The following TNS3 variants were observed in gnomAD, a reference collection of about 807,000 sequenced individuals.
TNS3 encodes the protein tensin 3.
In TNS3, 45 loss-of-function variants were observed where a neutral mutation model predicts 140.9. The observed-to-expected ratio is 0.32, with a 90% CI of 0.25 to 0.41. The LOEUF is 0.41. Ranked by LOEUF, TNS3 falls within the 10% of genes least tolerant of loss-of-function variation. TNS3 has a pLI of 1.00. For synonymous variants in TNS3, 815 were observed against 788.4 expected (o/e 1.03, Z -0.56); for missense variants, 1,716 against 1,906.7 (o/e 0.90, Z 1.86).
At chr7:47,342,574 A>C (rs1043395439) in intron 20 of TNS3, among the ~76,000 whole-genome samples, 4 of 152,240 alleles carry the variant, frequency 2.6e-5, no homozygotes, top group Non-Finnish European at 5.9e-5. Flanking sequence ...ACATTAGGTC[A>C]CTTCTAGGTT....
chr7:47,342,396 G>A lies in TNS3; in HGVS notation c.2650+2359C>T, dbSNP rs140861364. 3.9e-5 allele frequency among the ~76,000 whole-genome samples: 6 copies of A among 152,288 alleles called. No homozygotes were observed. In the East Asian group the frequency reaches 7.7e-4, roughly 20 times the overall value. On this transcript the variant is annotated intron_variant, in intron 20 of 30. Coordinates refer to ENST00000311160, the MANE Select transcript of TNS3 (RefSeq NM_022748.12). ...AAATGATACGCAGTTAAGCATTACT[G>A]CAGATGCCTAAAGCCTACTACTTCA...
intron 4 of TNS3, among the ~76,000 whole-genome samples, chr7:47,457,288 G>A (rs1796301853): frequency 6.6e-6 from 1 of 151,998 alleles, no homozygotes; most frequent in Admixed American, 6.5e-5. Context: ...TAATTCCACT[G>A]AAGATGGAGT....
At position 47,529,017 on chromosome 7, in the gene TNS3, A is replaced by C; in HGVS notation, c.-153+19T>G. 8.0e-7 allele frequency: 1 copy of C among 1,248,588 alleles called. No homozygotes were observed. Among genetic ancestry groups the C allele is most frequent in the Admixed American group, 2.6e-5 (1 of 38,428 alleles). The allele number at this position is 1,248,588 out of a possible 1,614,324, so 77.3% of individuals were successfully genotyped here. Reference sequence around the variant, plus strand: ...TTGCTCTGGATTAATCAGTGAGAGAATCATAAACACAGACTTACCTCGGCA... The same window carrying C: ...TTGCTCTGGATTAATCAGTGAGAGACTCATAAACACAGACTTACCTCGGCA... On this transcript the variant is annotated intron_variant, in intron 2 of 30. Transcript: ENST00000311160.
In TNS3 at chr7:47,280,295, T is replaced by C; in HGVS notation, c.4157A>G (p.Gln1386Arg). Residue 1386 changes from glutamine (Q) to arginine (R), a missense_variant, in exon 29 of 31, where the codon CAA (glutamine) becomes CGA (arginine). Physicochemically the swap from Gln to Arg is conservative, Grantham distance 43. Around this residue, in one of 3 missense-constraint regions of TNS3, gnomAD observed 216 missense variants for 295.7 expected, o/e 0.73. Coordinates refer to ENST00000311160, the MANE Select transcript of TNS3 (RefSeq NM_022748.12). ...NSVIFCALDP[Q>R]DRKWIKDGPS... is the part of the protein sequence containing the mutation. Reference sequence around the variant, plus strand: ...AATGCAAATTTCTTACTTCCTGTCTTGTGGGTCCAAGGCACAGAAAATCAC... The same window carrying C: ...AATGCAAATTTCTTACTTCCTGTCTCGTGGGTCCAAGGCACAGAAAATCAC... 3.7e-6 allele frequency: 6 copies of C among 1,614,170 alleles called. No individual in the cohort carries two copies. Among genetic ancestry groups the C allele is most frequent in the Non-Finnish European group, 4.2e-6 (5 of 1,180,036 alleles).
chr7:47,569,351 T>A (rs1031505528), intron 1 of TNS3, among the ~76,000 whole-genome samples: 2 of 151,878 alleles, frequency 1.3e-5, no homozygotes, highest in African/African-American at 4.8e-5. Flanking sequence ...CAGACCGGCC[T>A]GGCCAACATG....
At chr7:47,339,498 A>G (rs890444791) in intron 20 of TNS3, among the ~76,000 whole-genome samples, 2 of 152,138 alleles carry the variant, frequency 1.3e-5, no homozygotes, top group Non-Finnish European at 2.9e-5. Context: ...TCAGCTGGGC[A>G]TATCTGTGTA....
chr7:47,497,562 G>C (rs190232882), intron 3 of TNS3, among the ~76,000 whole-genome samples: 1 of 151,986 alleles, frequency 6.6e-6, no homozygotes, highest in Non-Finnish European at 1.5e-5. Flanking sequence ...AGCTGCTTCT[G>C]AGAGCTACAC....
chr7:47,323,957 G>A (rs997107527), intron 20 of TNS3, among the ~76,000 whole-genome samples: 4 of 152,176 alleles, frequency 2.6e-5, no homozygotes, highest in Non-Finnish European at 4.4e-5. Context: ...GTATGCACCC[G>A]GATTTTCTAC....
intron 1 of TNS3, among the ~76,000 whole-genome samples, chr7:47,564,135 A>G (rs895863960): frequency 2.1e-5 from 3 of 143,304 alleles, no homozygotes; most frequent in Non-Finnish European, 4.5e-5. Context: ...TGGAGCTTGC[A>G]GTGAGCCGAG....
chr7:47,401,128 C>G (rs907627172), intron 13 of TNS3, among the ~76,000 whole-genome samples: 1 of 152,158 alleles, frequency 6.6e-6, no homozygotes, highest in Non-Finnish European at 1.5e-5. Context: ...CTGCTGGGTG[C>G]GGGGCTCCAC....
At chr7:47,396,243 C>T (rs1274344107) in intron 16 of TNS3, among the ~76,000 whole-genome samples, 2 of 152,130 alleles carry the variant, frequency 1.3e-5, no homozygotes, top group Admixed American at 1.3e-4. Context: ...CCTTCCTTTC[C>T]TCCTTCACGC....
intron 1 of TNS3, among the ~76,000 whole-genome samples, chr7:47,574,630 C>CACAT (rs1800631419): frequency 6.6e-6 from 1 of 151,748 alleles, no homozygotes; most frequent in African/African-American, 2.4e-5. Context: ...CATACAGACA[C>CACAT]ACACACACAC....
At chr7:47,478,790 G>A (rs577465774) in intron 4 of TNS3, among the ~76,000 whole-genome samples, 7 of 151,718 alleles carry the variant, frequency 4.6e-5, no homozygotes, top group Non-Finnish European at 8.8e-5. Flanking sequence ...ATTTGTGTGC[G>A]TATAACAATT....
In TNS3 at chr7:47,277,778, C is replaced by T. The variant is rs1485297500; in HGVS notation, c.*298G>A. ...GACCACCTCGTGTTCTGTGCTGTTT[C>T]CTTGCATGTCCCTTTCCCATGGGGA... On this transcript the variant is annotated 3_prime_UTR_variant, in exon 31 of 31. Transcript: ENST00000311160. The T allele has an allele frequency of 1.8e-5, 8 of 450,082 alleles. No homozygotes were observed. Among genetic ancestry groups the T allele is most frequent in the African/African-American group, 1.6e-4 (8 of 50,132 alleles). 27.9% of individuals were successfully genotyped at this position (450,082 alleles called of 1,614,324 possible).
intron 17 of TNS3, among the ~76,000 whole-genome samples, chr7:47,365,875 T>G (rs1790670562): frequency 6.6e-6 from 1 of 152,210 alleles, no homozygotes; most frequent in Admixed American, 6.5e-5. Context: ...TAACTGTTTC[T>G]TTGCAGCAAG....
chr7:47,462,290 T>A (rs1796521918), intron 4 of TNS3, among the ~76,000 whole-genome samples: 1 of 152,178 alleles, frequency 6.6e-6, no homozygotes, highest in Non-Finnish European at 1.5e-5. Context: ...TTATTCCACA[T>A]CCACTCTATT....
intron 1 of TNS3, among the ~76,000 whole-genome samples, chr7:47,531,765 GA>G (rs1370515603): frequency 2.0e-5 from 3 of 152,166 alleles, no homozygotes; most frequent in African/African-American, 7.2e-5. Flanking sequence ...GAGCCGGTGG[GA>G]GCTCCACCCC....
intron 3 of TNS3, among the ~76,000 whole-genome samples, chr7:47,504,028 C>A (rs1181503322): frequency 2.6e-5 from 4 of 152,176 alleles, no homozygotes; most frequent in African/African-American, 9.7e-5. Flanking sequence ...ACACAGGAAT[C>A]TGGGGGAGAC....
At position 47,553,839 on chromosome 7, in the gene TNS3, AGTGCAATG is replaced by A. The variant is rs548117031; in HGVS notation, c.-264-24700_-264-24693del. 2.6e-5 allele frequency among the ~76,000 whole-genome samples: 4 copies of A among 151,342 alleles called. No individual in the cohort carries two copies. In the South Asian group the frequency reaches 6.3e-4, roughly 24 times the overall value. ...GTCTGGCTCTTTTTGCCCAGGCTGG[AGTGCAATG>A]GTGCAATCTCGGCTAACTGCAGCCT... On this transcript the variant is annotated intron_variant, in intron 1 of 30. Coordinates refer to ENST00000311160, the MANE Select transcript of TNS3 (RefSeq NM_022748.12).
Sources: allele counts gnomAD v4.1 joint callset (sites outside exome capture counted in the v4.1 genomes callset), GRCh38; gene constraint gnomAD v4.1.1; regional missense constraint gnomAD v4.1.1; transcripts MANE v1.5; gene names NCBI Gene and HGNC (gene_info 2026-07-23, HGNC 2026-07-21).